NEDD4: variants seen among roughly 807,000 people sequenced by gnomAD.
NEDD4 encodes E3 ubiquitin-protein ligase NEDD4.
Under a neutral mutation model 144.9 loss-of-function variants are expected in NEDD4, and 99 were observed. The observed-to-expected ratio is 0.68, with a 90% CI of 0.58 to 0.81. The LOEUF (loss-of-function observed/expected upper bound fraction) is 0.81, where lower values mean the gene tolerates loss of function less well. Ranked by LOEUF, NEDD4 falls within the 30% of genes least tolerant of loss-of-function variation. The pLI is 0.00. For synonymous variants in NEDD4, 318 were observed against 350.6 expected, an observed-to-expected ratio of 0.91 and a Z score of 1.04; for missense variants, 985 against 1,065.9, an observed-to-expected ratio of 0.92 and a Z score of 1.06.
intron 5 of NEDD4, chr15:55,916,365 G>T: frequency 6.2e-7 from 1 of 1,614,006 alleles, no homozygotes; most frequent in Non-Finnish European, 8.5e-7. Context: ...ATTATCACTG[G>T]TTGAAAAGTT....
At chr15:55,937,924 A>G (rs2036923821) in intron 4 of NEDD4, among the ~76,000 whole-genome samples, 1 of 152,238 alleles carries the variant, frequency 6.6e-6, no homozygotes, top group Non-Finnish European at 1.5e-5. Flanking sequence ...TCACAAAGCT[A>G]CAGTAATTAA....
intron 4 of NEDD4, among the ~76,000 whole-genome samples, chr15:55,950,826 C>T (rs1457223764): frequency 3.3e-5 from 5 of 152,102 alleles, no homozygotes; most frequent in African/African-American, 1.2e-4. Context: ...TCCTAAAATG[C>T]ATCTCTACCA....
rs145049625 is a variant in NEDD4 at position 55,907,889 on chromosome 15, C to T, written c.291+16757G>A. Among the ~76,000 whole-genome samples the T allele has an allele frequency of 2.1e-3, 326 of 152,268 alleles. 2 individuals are homozygous for T. The highest frequency in any genetic ancestry group is 7.3e-3 in the African/African-American group (305 of 41,544). ...GCCTCTATCCAGACACCCAGTTATA[C>T]GGTACCAGTTAGTGGAATATGTAGG... On this transcript the variant is annotated intron_variant, in intron 5 of 28. Coordinates refer to ENST00000435532, the MANE Select transcript of NEDD4 (RefSeq NM_006154.4).
intron 4 of NEDD4, 90 bp from the exon 5 acceptor site, chr15:55,924,789 C>T (rs567136091): frequency 7.5e-6 from 10 of 1,325,668 alleles, no homozygotes; most frequent in African/African-American, 7.3e-5. Flanking sequence ...GCCATTTGGT[C>T]GGGCATGGTG....
chr15:55,842,404 TG>T (rs1443728286), intron 18 of NEDD4, among the ~76,000 whole-genome samples: 1 of 152,198 alleles, frequency 6.6e-6, no homozygotes, highest in East Asian at 1.9e-4. Flanking sequence ...AAGAAGCTTT[TG>T]TTTTTGGAGA....
intron 5 of NEDD4, among the ~76,000 whole-genome samples, chr15:55,895,528 G>A (rs1243943565): frequency 6.6e-6 from 1 of 152,224 alleles, no homozygotes; most frequent in African/African-American, 2.4e-5. Flanking sequence ...GAAAGCTGGA[G>A]GCTCTGTGCC....
rs2033946587 is a variant in NEDD4 at position 55,850,614 on chromosome 15, T to C, written c.1275A>G (p.Lys425=). The C allele has an allele frequency of 6.2e-7, 1 of 1,614,170 alleles. No homozygotes were observed. The highest frequency in any genetic ancestry group is 2.2e-5 in the East Asian group (1 of 44,868). The change falls in exon 14 of 29, where the codon AAA becomes AAG. Residue 425 remains lysine, a synonymous_variant. Coordinates refer to ENST00000435532, the MANE Select transcript of NEDD4 (RefSeq NM_006154.4). Reference sequence around the variant, plus strand: ...TTGGTGCATGCCGGACTTCCCAGCCTTTAGGAAGGAATCCTTGCTCAATTT... The same window carrying C: ...TTGGTGCATGCCGGACTTCCCAGCCCTTAGGAAGGAATCCTTGCTCAATTT... ...PSEIEQGFLP[K]GWEVRHAPNG...
At chr15:55,884,211 A>T (rs2035305877) in intron 5 of NEDD4, among the ~76,000 whole-genome samples, 2 of 152,178 alleles carry the variant, frequency 1.3e-5, no homozygotes, top group African/African-American at 4.8e-5. Context: ...TTCAAGAGCC[A>T]CAGCATTACT....
In NEDD4 at chr15:55,940,529, TCTCTCTCTCTCTCTCTGC is replaced by T. The variant is rs1366692675; in HGVS notation, c.237+10829_237+10846del. On this transcript the variant is annotated intron_variant, in intron 4 of 28. Transcript: ENST00000435532. ...TTCCCTCCTCCCCCTTCTCTCTCTC[TCTCTCTCTCTCTCTCTGC>T]CTCTCTGCCTCTCTCTGTCTCTTTC... is the stretch of plus-strand genomic sequence containing the variant. Among the ~76,000 whole-genome samples the T allele has an allele frequency of 4.0e-3, 515 of 128,504 alleles. 3 individuals are homozygous for T. The highest frequency in any genetic ancestry group is 6.2e-3 in the Non-Finnish European group (355 of 57,584). 84.3% of individuals were successfully genotyped at this position (128,504 alleles called of 152,430 possible).
chr15:55,890,788 TCCCCTTTCTTA>T (rs1447060606), intron 5 of NEDD4, among the ~76,000 whole-genome samples: 1 of 152,202 alleles, frequency 6.6e-6, no homozygotes, highest in Non-Finnish European at 1.5e-5. Flanking sequence ...TTTCAATTCC[TCCCCTTTCTTA>T]CCAACAATGA....
intron 4 of NEDD4, among the ~76,000 whole-genome samples, chr15:55,942,003 A>C (rs2037015036): frequency 6.6e-6 from 1 of 152,122 alleles, no homozygotes; most frequent in African/African-American, 2.4e-5. Flanking sequence ...GTAGTGTACT[A>C]TACATGTCAA....
At chr15:55,848,997 A>C in intron 14 of NEDD4, 111 bp from the exon 15 acceptor site, 1 of 824,424 alleles carries the variant, frequency 1.2e-6, no homozygotes. Context: ...TTCTCTTGTA[A>C]AAGTCAATTT....
chr15:55,980,889 G>T (rs2037789208), intron 1 of NEDD4, among the ~76,000 whole-genome samples: 1 of 151,814 alleles, frequency 6.6e-6, no homozygotes, highest in African/African-American at 2.4e-5. Flanking sequence ...CAGACATACA[G>T]AAAACTAAAC....
At chr15:55,939,846 C>A (rs2036963899) in intron 4 of NEDD4, among the ~76,000 whole-genome samples, 1 of 152,122 alleles carries the variant, frequency 6.6e-6, no homozygotes. Context: ...ACTGGATCAT[C>A]CAGCAATCCC....
chr15:55,897,031 T>G (rs1207884169), intron 5 of NEDD4, among the ~76,000 whole-genome samples: 1 of 152,142 alleles, frequency 6.6e-6, no homozygotes, highest in African/African-American at 2.4e-5. Flanking sequence ...CGGAGTGCAG[T>G]GGCACAATCT....
intron 1 of NEDD4, among the ~76,000 whole-genome samples, chr15:55,993,016 G>A (rs1342251055): frequency 6.6e-6 from 1 of 152,090 alleles, no homozygotes; most frequent in Non-Finnish European, 1.5e-5. Context: ...AGATAAAGAA[G>A]AAAAAAACAA....
chr15:55,992,391 CAA>C (rs2038001927), intron 1 of NEDD4, among the ~76,000 whole-genome samples: 1 of 152,128 alleles, frequency 6.6e-6, no homozygotes, highest in Non-Finnish European at 1.5e-5. Context: ...AAAGAACTCT[CAA>C]GAGAAGTGTA....
chr15:55,836,818 G>A (rs1477238756), intron 24 of NEDD4, among the ~76,000 whole-genome samples: 2 of 151,780 alleles, frequency 1.3e-5, no homozygotes, highest in African/African-American at 4.8e-5. Context: ...ATGAGCCACC[G>A]CGCCCAAATT....
chr15:55,934,119 C>G (rs1308122456), intron 4 of NEDD4, among the ~76,000 whole-genome samples: 1 of 152,146 alleles, frequency 6.6e-6, no homozygotes, highest in Non-Finnish European at 1.5e-5. Flanking sequence ...CGCCACTGCA[C>G]TCCAGCCTGG....
Sources: allele counts gnomAD v4.1 joint callset (sites outside exome capture counted in the v4.1 genomes callset), GRCh38; gene constraint gnomAD v4.1.1; transcripts MANE v1.5; gene names NCBI Gene and HGNC (gene_info 2026-07-23, HGNC 2026-07-21).